NXPE4: variants seen among roughly 807,000 people sequenced by gnomAD.
The protein encoded by NXPE4 is NXPE family member 4.
Under a neutral mutation model 33.3 loss-of-function variants are expected in NXPE4, and 42 were observed. The ratio of observed to expected loss-of-function variants is 1.26; its 90% confidence interval spans 0.98 to 1.63. The LOEUF (loss-of-function observed/expected upper bound fraction) is 1.63. Ranked by LOEUF, NXPE4 falls within the 40% of genes most tolerant of loss-of-function variation. The probability of loss-of-function intolerance (pLI) is 0.00; values close to 1 mark genes in which losing one functional copy is unlikely to be tolerated. For missense variants in NXPE4, 709 were observed against 647.6 expected (o/e 1.09, Z -1.03); for synonymous variants, 253 against 234.9 (o/e 1.08, Z -0.71).
the NXPE4 span, among the ~76,000 whole-genome samples, chr11:114,632,239 T>G: frequency 7.1e-6 from 1 of 140,192 alleles, no homozygotes; most frequent in South Asian, 2.1e-4. Context: ...ATAATATATA[T>G]GTATATGTGT....
intron 2 of NXPE4, among the ~76,000 whole-genome samples, chr11:114,591,007 T>C (rs966248915): frequency 1.3e-5 from 2 of 152,160 alleles, no homozygotes; most frequent in African/African-American, 4.8e-5. Context: ...TGAACATGAC[T>C]GTGAGCAAGT....
chr11:114,645,194 C>CA, the NXPE4 span, among the ~76,000 whole-genome samples: 2 of 151,898 alleles, frequency 1.3e-5, no homozygotes, highest in Non-Finnish European at 2.9e-5. Flanking sequence ...CTCAGCTACA[C>CA]AGAGGCTGAG....
intron 5 of NXPE4, among the ~76,000 whole-genome samples, chr11:114,575,414 C>T (rs933926746): frequency 2.0e-5 from 3 of 151,914 alleles, no homozygotes; most frequent in African/African-American, 7.2e-5. Context: ...TGCTGTGGCT[C>T]ATGATATGAT....
chr11:114,597,850 A>G (rs1319276844), upstream of NXPE4, among the ~76,000 whole-genome samples: 1 of 152,144 alleles, frequency 6.6e-6, no homozygotes, highest in Admixed American at 6.5e-5. Context: ...TTTGGAATAT[A>G]TATTAATCTA....
At chr11:114,580,738 C>T (rs961951376) in intron 4 of NXPE4, among the ~76,000 whole-genome samples, 5 of 152,084 alleles carry the variant, frequency 3.3e-5, no homozygotes, top group African/African-American at 1.2e-4. Flanking sequence ...ATGACACCAT[C>T]AAAATATAAA....
upstream of NXPE4, among the ~76,000 whole-genome samples, chr11:114,600,356 A>C (rs1210154425): frequency 6.6e-6 from 1 of 152,134 alleles, no homozygotes; most frequent in Non-Finnish European, 1.5e-5. Flanking sequence ...AATTGAAACA[A>C]AAATAGTTAT....
At chr11:114,662,203 G>C in the NXPE4 span, among the ~76,000 whole-genome samples, 1 of 150,022 alleles carries the variant, frequency 6.7e-6, no homozygotes, top group Non-Finnish European at 1.5e-5. Context: ...TGGTGACATA[G>C]TGTGGAGAGT....
the NXPE4 span, among the ~76,000 whole-genome samples, chr11:114,673,720 T>C: frequency 6.6e-6 from 1 of 151,864 alleles, no homozygotes; most frequent in African/African-American, 2.4e-5. Context: ...AATTGAGTCA[T>C]GCAATACTGC....
chr11:114,576,732 G>A (rs1007680377), intron 5 of NXPE4, among the ~76,000 whole-genome samples: 1 of 151,894 alleles, frequency 6.6e-6, no homozygotes, highest in Non-Finnish European at 1.5e-5. Flanking sequence ...CTTTTACACT[G>A]TTGGTGGGAA....
chr11:114,639,200 G>A, the NXPE4 span, among the ~76,000 whole-genome samples: 110 of 151,014 alleles, frequency 7.3e-4, 1 homozygote, highest in East Asian at 5.1e-3. Flanking sequence ...CCTCACTGCC[G>A]CCTTTCAGTT....
At chr11:114,631,453 C>T in the NXPE4 span, among the ~76,000 whole-genome samples, 2 of 141,476 alleles carry the variant, frequency 1.4e-5, no homozygotes, top group African/African-American at 2.7e-5. Context: ...TATTCTCACT[C>T]ATAGGTGGGA....
At chr11:114,645,586 T>TA in the NXPE4 span, among the ~76,000 whole-genome samples, 5 of 152,190 alleles carry the variant, frequency 3.3e-5, no homozygotes, top group East Asian at 9.6e-4. Flanking sequence ...TAAACCAAGT[T>TA]AAAATGCAAG....
chr11:114,624,569 G>A, the NXPE4 span, among the ~76,000 whole-genome samples: 19 of 151,536 alleles, frequency 1.3e-4, no homozygotes, highest in Admixed American at 7.9e-4. Context: ...GTATTGCCCC[G>A]TGGGTAACCA....
chr11:114,668,499 T>C, the NXPE4 span, among the ~76,000 whole-genome samples: 4 of 151,976 alleles, frequency 2.6e-5, no homozygotes, highest in Non-Finnish European at 5.9e-5. Context: ...AACAGTGAGG[T>C]TGAGGTTCTA....
At chr11:114,618,756 C>G in the NXPE4 span, among the ~76,000 whole-genome samples, 1 of 151,966 alleles carries the variant, frequency 6.6e-6, no homozygotes, top group Non-Finnish European at 1.5e-5. Context: ...TCGTGCGTAG[C>G]CACTGTTATC....
the NXPE4 span, among the ~76,000 whole-genome samples, chr11:114,642,647 T>C: frequency 6.6e-6 from 1 of 152,150 alleles, no homozygotes. Flanking sequence ...CCACATCTTC[T>C]TTATCCAGTC....
chr11:114,640,785 C>G, the NXPE4 span, among the ~76,000 whole-genome samples: 1 of 151,888 alleles, frequency 6.6e-6, no homozygotes, highest in East Asian at 1.9e-4. Context: ...GTAATTTACT[C>G]ACTTTATAAT....
At chr11:114,635,562 T>C in the NXPE4 span, among the ~76,000 whole-genome samples, 1 of 151,982 alleles carries the variant, frequency 6.6e-6, no homozygotes, top group East Asian at 1.9e-4. Context: ...AGGGAATGCT[T>C]CCAGTTTTTG....
upstream of NXPE4, among the ~76,000 whole-genome samples, chr11:114,596,937 A>G (rs908003945): frequency 2.0e-5 from 3 of 152,230 alleles, no homozygotes; most frequent in Non-Finnish European, 2.9e-5. Context: ...TGTGCAGGTC[A>G]TCTGATGAGC....
Sources: gnomAD v4.1 joint callset for allele counts (sites outside exome capture counted in the v4.1 genomes callset) on GRCh38, gnomAD v4.1.1 for gene constraint, MANE v1.5 for transcripts, NCBI Gene and HGNC (gene_info 2026-07-23, HGNC 2026-07-21) for gene names.